The following FGF13 variants were observed in gnomAD, a reference collection of about 807,000 sequenced individuals.
The protein encoded by FGF13 is fibroblast growth factor 13, also known as fibroblast growth factor homologous factor 2.
Under a neutral mutation model 19.5 loss-of-function variants are expected in FGF13, and 2 were observed. The observed-to-expected ratio is 0.10, with a 90% CI of 0.04 to 0.32. The LOEUF (loss-of-function observed/expected upper bound fraction) is 0.32, where lower values mean the gene tolerates loss of function less well. Among genes scored for constraint, FGF13 ranks in the 10% least tolerant of loss-of-function variants. The pLI, the probability that FGF13 is intolerant of heterozygous loss-of-function variation, is 1.00. For synonymous variants in FGF13, 72 were observed against 76.9 expected (o/e 0.94, Z 0.33); for missense variants, 113 against 192.7 (o/e 0.59, Z 2.45).
At chrX:139,163,925 A>C (rs1337042074) in intron 1 of FGF13, among the ~76,000 whole-genome samples, 1 of 111,014 alleles carries the variant, frequency 9.0e-6, no homozygotes, top group Non-Finnish European at 1.9e-5. Context: ...CAGCATGCTT[A>C]TTTGGTATGC....
chrX:138,635,812 C>T (rs2089177020), intron 3 of FGF13, among the ~76,000 whole-genome samples, 157 bp from the exon 4 acceptor site: 1 of 112,189 alleles, frequency 8.9e-6, no homozygotes, highest in African/African-American at 3.2e-5. Context: ...TCATTGGAAA[C>T]CATCAGACTA....
At chrX:138,764,034 C>T (rs1254612991) in intron 3 of FGF13, among the ~76,000 whole-genome samples, 1 of 111,350 alleles carries the variant, frequency 9.0e-6, no homozygotes, top group Non-Finnish European at 1.9e-5. Flanking sequence ...CATTCCAAAC[C>T]GGCTTTACTT....
At chrX:138,972,280 A>G (rs2091920716) in intron 1 of FGF13, among the ~76,000 whole-genome samples, 1 of 100,811 alleles carries the variant, frequency 9.9e-6, no homozygotes, top group Admixed American at 1.1e-4. Context: ...AGAAGTTTCC[A>G]TACTGTTGAC....
intron 1 of FGF13, among the ~76,000 whole-genome samples, chrX:139,041,234 A>G (rs1013115561): frequency 2.7e-5 from 3 of 111,042 alleles, no homozygotes; most frequent in African/African-American, 9.9e-5. Flanking sequence ...AAAAAAAAAG[A>G]TTGTCTAAGA....
At chrX:139,068,793 T>C (rs1397037445) in intron 1 of FGF13, among the ~76,000 whole-genome samples, 3 of 111,491 alleles carry the variant, frequency 2.7e-5, no homozygotes, top group Non-Finnish European at 5.6e-5. Context: ...TGTTTGTCTG[T>C]TGTTGGTGTA....
At chrX:138,985,964 GA>G (rs1011507486) in intron 1 of FGF13, among the ~76,000 whole-genome samples, 4 of 111,211 alleles carry the variant, frequency 3.6e-5, no homozygotes, top group African/African-American at 1.3e-4. Flanking sequence ...GCTACTTGAA[GA>G]AAAAAACAGC....
chrX:139,091,221 A>G (rs896506822), intron 1 of FGF13, among the ~76,000 whole-genome samples: 4 of 111,159 alleles, frequency 3.6e-5, no homozygotes, highest in Non-Finnish European at 5.6e-5. Context: ...GGCCTTGAAA[A>G]GCAAACTTGG....
At chrX:139,188,778 C>T (rs2084300630) in intron 1 of FGF13, among the ~76,000 whole-genome samples, 1 of 112,149 alleles carries the variant, frequency 8.9e-6, no homozygotes, top group African/African-American at 3.2e-5. Context: ...ATAAAAGAAG[C>T]AGATAAAAAC....
At chrX:138,647,547 G>A (rs921024287) in intron 3 of FGF13, among the ~76,000 whole-genome samples, 9 of 111,642 alleles carry the variant, frequency 8.1e-5, no homozygotes, top group African/African-American at 2.9e-4. Context: ...GTTTGGCCAC[G>A]TATCTAGCTA....
chrX:138,950,918 T>C (rs1440544859), intron 1 of FGF13, among the ~76,000 whole-genome samples: 2 of 111,326 alleles, frequency 1.8e-5, no homozygotes, highest in Admixed American at 9.6e-5. Context: ...CTAAAAACTC[T>C]TGGTGAAACT....
chrX:138,867,912 G>T (rs984979055), intron 1 of FGF13, among the ~76,000 whole-genome samples: 1 of 110,105 alleles, frequency 9.1e-6, no homozygotes, highest in Non-Finnish European at 1.9e-5. Context: ...CTCCCACCAC[G>T]CACAAAAAAT....
rs7881250 is a variant in FGF13 at position 138,993,608 on chromosome X, A to C, written c.-112-128958T>G. On this transcript the variant is annotated intron_variant, in intron 1 of 2. Coordinates refer to the FGF13 transcript ENST00000421460. ...ATAGCTGAATACCATCCCTTCTAAAAACTCTTCCCTCATTACACCCAGTTG... is the reference window on the plus strand; with the variant it reads ...ATAGCTGAATACCATCCCTTCTAAACACTCTTCCCTCATTACACCCAGTTG... Among the ~76,000 whole-genome samples the C allele has an allele frequency of 4.0e-3, 445 of 111,227 alleles. 1 individual carries two copies. Among genetic ancestry groups the C allele is most frequent in the African/African-American group, 0.014 (418 of 30,640 alleles).
At chrX:139,114,629 C>T (rs2083626622) in intron 1 of FGF13, among the ~76,000 whole-genome samples, 1 of 111,904 alleles carries the variant, frequency 8.9e-6, no homozygotes, top group African/African-American at 3.2e-5. Flanking sequence ...CCTCATAGGA[C>T]TGATATGAGA....
intron 3 of FGF13, among the ~76,000 whole-genome samples, chrX:138,776,448 T>C (rs1174197036): frequency 1.8e-5 from 2 of 111,975 alleles, no homozygotes; most frequent in African/African-American, 6.5e-5. Flanking sequence ...TTAACCATCA[T>C]AACGGTCCTA....
chrX:138,698,432 T>C (rs912771806), intron 3 of FGF13, among the ~76,000 whole-genome samples: 9 of 111,814 alleles, frequency 8.0e-5, no homozygotes, highest in Non-Finnish European at 1.5e-4. Flanking sequence ...TCAAGAAATA[T>C]TCCTTCAAAA....
At chrX:138,849,201 G>A (rs927058712) in intron 3 of FGF13, among the ~76,000 whole-genome samples, 1 of 111,634 alleles carries the variant, frequency 9.0e-6, no homozygotes, top group African/African-American at 3.3e-5. Context: ...CCAGTAGCTA[G>A]AAGATGCTGT....
intron 1 of FGF13, among the ~76,000 whole-genome samples, chrX:139,037,338 A>G (rs980200818): frequency 3.6e-5 from 4 of 111,273 alleles, no homozygotes; most frequent in Non-Finnish European, 3.8e-5. Context: ...ATATTGAAAG[A>G]GGTAATGTTC....
chrX:139,132,394 T>A (rs751521111), intron 1 of FGF13, among the ~76,000 whole-genome samples: 22 of 112,531 alleles, frequency 2.0e-4, no homozygotes, highest in Admixed American at 1.7e-3. Flanking sequence ...GATCTGCACT[T>A]CTATCAAAAT....
rs189626597 is a variant in FGF13 at position 139,123,393 on chromosome X, C to T, written c.-113+80023G>A. ...CTCCTGCCACCTTCCCCCTCACTCC[C>T]GCCATGATGGCCTCCTTGCTGGTCC... On this transcript the variant is annotated intron_variant, in intron 1 of 2. Transcript: ENST00000421460. 6.3e-5 allele frequency among the ~76,000 whole-genome samples: 7 copies of T among 111,670 alleles called. No individual in the cohort carries two copies. In the East Asian group the frequency reaches 1.4e-3, roughly 23 times the overall value.
Sources: allele counts gnomAD v4.1 joint callset (sites outside exome capture counted in the v4.1 genomes callset), GRCh38; gene constraint gnomAD v4.1.1; transcripts MANE v1.5; gene names NCBI Gene and HGNC (gene_info 2026-07-23, HGNC 2026-07-21).